Variants in GPATCH2L observed in about 807,000 individuals in gnomAD.
GPATCH2L encodes the protein G-patch domain containing 2 like, also known as G patch domain-containing protein 2-like.
In GPATCH2L, 31 loss-of-function variants were observed where a neutral mutation model predicts 57.4. The observed-to-expected ratio is 0.54, with a 90% CI of 0.41 to 0.73. GPATCH2L has a LOEUF of 0.73. Ranked by LOEUF, GPATCH2L falls within the 30% of genes least tolerant of loss-of-function variation. The pLI is 0.00. For missense variants in GPATCH2L, 481 were observed against 599.9 expected (o/e 0.80, Z 2.07); for synonymous variants, 199 against 210.7 (o/e 0.94, Z 0.48).
At chr14:76,233,630 A>AT (rs2040584893) in intron 2 of GPATCH2L, among the ~76,000 whole-genome samples, 1 of 152,136 alleles carries the variant, frequency 6.6e-6, no homozygotes, top group South Asian at 2.1e-4. Context: ...TGGACACATA[A>AT]TTTTATCTTT....
chr14:76,196,602 A>G (rs748768976), intron 9 of GPATCH2L: 1 of 156,814 alleles, frequency 6.4e-6, no homozygotes, highest in Middle Eastern at 3.3e-3. Flanking sequence ...GGCTGCTTAC[A>G]TAGGTAGAAT....
At chr14:76,161,151 C>G (rs570992431) in intron 2 of GPATCH2L, among the ~76,000 whole-genome samples, 1 of 152,274 alleles carries the variant, frequency 6.6e-6, no homozygotes, top group East Asian at 1.9e-4. Flanking sequence ...AGTGTGCCAC[C>G]TCTACCCTGG....
chr14:76,224,010 G>A (rs1294886971), intron 1 of GPATCH2L, among the ~76,000 whole-genome samples: 2 of 152,134 alleles, frequency 1.3e-5, no homozygotes, highest in African/African-American at 4.8e-5. Flanking sequence ...ACTGATGAAT[G>A]GTAAACAAAA....
rs2038227831 is a variant in GPATCH2L, at chr14:76,154,858, G to A, written c.495G>A (p.Lys165=). 2 of 1,614,126 alleles carry A rather than the reference G, an allele frequency of 1.2e-6. No individual in the cohort carries two copies. Among genetic ancestry groups the A allele is most frequent in the Admixed American group, 1.7e-5 (1 of 60,012 alleles). The change falls in exon 2 of 10, where the codon AAG becomes AAA. Residue 165 remains lysine, a synonymous_variant. Coordinates refer to ENST00000261530, the MANE Select transcript of GPATCH2L (RefSeq NM_017926.4). The surrounding 1 kb of genome is among the most constrained non-coding windows in gnomAD (Gnocchi z 4.4). ...ERGCRFKSAK[K]QRLSRWKENT... ...GCTGCAGGTTCAAGTCTGCTAAGAAGCAGCGTCTGTCCCGCTGGAAGGAGA... is the reference window on the plus strand; with the variant it reads ...GCTGCAGGTTCAAGTCTGCTAAGAAACAGCGTCTGTCCCGCTGGAAGGAGA...
At chr14:76,159,339 G>T (rs79562518) in intron 2 of GPATCH2L, among the ~76,000 whole-genome samples, 2,948 of 152,342 alleles carry the variant, frequency 0.019, 62 homozygotes, top group South Asian at 0.077. Context: ...TCAACTTTTA[G>T]AATGATATTC....
intron 3 of GPATCH2L, 146 bp from the exon 4 acceptor site, chr14:76,171,697 T>C (rs1277695881): frequency 1.8e-6 from 1 of 551,518 alleles, no homozygotes; most frequent in African/African-American, 2.0e-5. Context: ...CATTCCAGCC[T>C]GGGTGACAGA....
chr14:76,170,418 A>G (rs1294557798), intron 3 of GPATCH2L, among the ~76,000 whole-genome samples: 1 of 152,214 alleles, frequency 6.6e-6, no homozygotes, highest in Non-Finnish European at 1.5e-5. Context: ...TCTAGTGGAA[A>G]CTGAGATACT....
At chr14:76,220,621 G>T (rs1378578596) in intron 1 of GPATCH2L, among the ~76,000 whole-genome samples, 1 of 152,104 alleles carries the variant, frequency 6.6e-6, no homozygotes, top group Admixed American at 6.6e-5. Context: ...ACTATAACCA[G>T]CAGTGTCAGA....
At chr14:76,178,960 G>C (rs993734062) in intron 7 of GPATCH2L, 1 of 152,090 alleles carries the variant, frequency 6.6e-6, no homozygotes, top group Non-Finnish European at 1.5e-5. Context: ...GTGAAGCTTT[G>C]TGATTTTTTT....
At chr14:76,169,139 C>T (rs1458877077) in intron 3 of GPATCH2L, among the ~76,000 whole-genome samples, 1 of 152,124 alleles carries the variant, frequency 6.6e-6, no homozygotes, top group Admixed American at 6.5e-5. Flanking sequence ...TGCAATGACC[C>T]CATTTAAATG....
At chr14:76,201,600 AT>A (rs2040311524) in intron 9 of GPATCH2L, 90 bp from the exon 10 acceptor site, 4 of 1,012,712 alleles carry the variant, frequency 3.9e-6, no homozygotes, top group East Asian at 5.6e-5. Context: ...GATTAAGAAA[AT>A]TTTTTTTCTA....
chr14:76,181,469 C>A (rs1476818474), intron 8 of GPATCH2L, among the ~76,000 whole-genome samples: 1 of 152,200 alleles, frequency 6.6e-6, no homozygotes, highest in Non-Finnish European at 1.5e-5. Context: ...CTATCACAGT[C>A]TGAATTGGAT....
chr14:76,154,237 C>G lies in GPATCH2L; in HGVS notation c.-10-117C>G. The G allele has an allele frequency of 1.2e-6, 1 of 819,418 alleles. No homozygotes were observed. Among genetic ancestry groups the G allele is most frequent in the Non-Finnish European group, 1.9e-6 (1 of 527,008 alleles). The allele number at this position is 819,418 out of a possible 1,614,324, so 50.8% of individuals were successfully genotyped here. On this transcript the variant is annotated intron_variant, in intron 1 of 9. Transcript: ENST00000261530. The surrounding 1 kb of genome is among the most constrained non-coding windows in gnomAD (Gnocchi z 4.4). ...ACTTATTTTGTTTAGACAGGCAGAA[C>G]TGTGGACTACCATGATCTGTTTCAT...
intron 2 of GPATCH2L, among the ~76,000 whole-genome samples, chr14:76,231,146 C>T (rs993871744): frequency 1.3e-5 from 2 of 152,126 alleles, no homozygotes; most frequent in African/African-American, 2.4e-5. Context: ...AACAGAAGCC[C>T]GTGAGAATAG....
At chr14:76,167,061 A>G (rs1017954714) in intron 3 of GPATCH2L, among the ~76,000 whole-genome samples, 25 of 152,234 alleles carry the variant, frequency 1.6e-4, no homozygotes, top group Non-Finnish European at 3.4e-4. Context: ...GAATAAAGAA[A>G]TAGGTTCATG....
At chr14:76,219,025 A>C (rs1411058245), downstream of GPATCH2L, among the ~76,000 whole-genome samples, 1 of 150,300 alleles carries the variant, frequency 6.7e-6, no homozygotes, top group Non-Finnish European at 1.5e-5. Context: ...AAAAAAAAGG[A>C]AAGTTATTTT....
chr14:76,220,227 A>T (rs142366743), intron 1 of GPATCH2L, among the ~76,000 whole-genome samples: 2,033 of 152,314 alleles, frequency 0.013, 25 homozygotes, highest in Middle Eastern at 0.058. Flanking sequence ...AGGCTGCCTA[A>T]CACATGGGTA....
At chr14:76,169,517 C>G (rs1048843040) in intron 3 of GPATCH2L, among the ~76,000 whole-genome samples, 3 of 152,214 alleles carry the variant, frequency 2.0e-5, no homozygotes, top group Non-Finnish European at 4.4e-5. Context: ...ATCCACCTAG[C>G]TTCTTGCTTA....
chr14:76,176,981 T>TC (rs985723325), intron 6 of GPATCH2L, among the ~76,000 whole-genome samples: 2 of 152,100 alleles, frequency 1.3e-5, no homozygotes, highest in African/African-American at 4.8e-5. Flanking sequence ...AATTTTTTTT[T>TC]TTCCAAAATG....
Sources: gnomAD v4.1 joint callset for allele counts (sites outside exome capture counted in the v4.1 genomes callset) on GRCh38, gnomAD v4.1.1 for gene constraint, Gnocchi (gnomAD v3.1) non-coding constraint, MANE v1.5 for transcripts, NCBI Gene and HGNC (gene_info 2026-07-23, HGNC 2026-07-21) for gene names.